Variants in FANCI observed in about 807,000 individuals in gnomAD.
FANCI encodes the protein FA complementation group I.
Under a neutral mutation model 176.1 loss-of-function variants are expected in FANCI, and 156 were observed. The observed-to-expected ratio is 0.89, with a 90% CI of 0.78 to 1.01. The LOEUF (loss-of-function observed/expected upper bound fraction) is 1.01, where lower values mean the gene tolerates loss of function less well. FANCI is among the 50% of genes least tolerant of loss of function. The pLI, the probability that FANCI is intolerant of heterozygous loss-of-function variation, is 0.00. For synonymous variants in FANCI, 613 were observed against 541.7 expected (o/e 1.13, Z -1.83); for missense variants, 1,678 against 1,534.1 (o/e 1.09, Z -1.57).
chr15:89,290,208 CTTAGGGGTT>C lies in FANCI; in HGVS notation c.1822-1_1829del, dbSNP rs2054008244. ...TGCTTATTTCTTCTCTTTGATTCCT[CTTAGGGGTT>C]TTATGATGTTCTTCGAAGGAACTCT... On this transcript the variant is annotated splice_acceptor_variant and splice_polypyrimidine_tract_variant and coding_sequence_variant and intron_variant, in exon 19 of 38. Transcript: ENST00000310775. LOFTEE classifies it high-confidence loss of function. 2 of 1,611,876 alleles carry C rather than the reference CTTAGGGGTT, an allele frequency of 1.2e-6. No individual in the cohort carries two copies. The highest frequency in any genetic ancestry group is 2.2e-5 in the South Asian group (2 of 91,030).
At chr15:89,271,892 T>C (rs1482304994) in intron 10 of FANCI, among the ~76,000 whole-genome samples, 1 of 152,248 alleles carries the variant, frequency 6.6e-6, no homozygotes, top group Admixed American at 6.5e-5. Context: ...GTTTGGCTAT[T>C]ACAAATAATG....
At chr15:89,251,787 A>C (rs562603661) in intron 2 of FANCI, among the ~76,000 whole-genome samples, 1 of 152,312 alleles carries the variant, frequency 6.6e-6, no homozygotes, top group South Asian at 2.1e-4. Flanking sequence ...CTCATTCCTA[A>C]TAAAAGCTTG....
intron 24 of FANCI, among the ~76,000 whole-genome samples, chr15:89,296,284 T>A (rs976622600): frequency 2.0e-5 from 3 of 151,506 alleles, no homozygotes; most frequent in Non-Finnish European, 4.4e-5. Flanking sequence ...TTTTTTTAAT[T>A]TTCTGTAGAG....
chr15:89,283,022 G>A (rs1218188405), intron 16 of FANCI, 114 bp from the exon 17 acceptor site: 3 of 1,005,796 alleles, frequency 3.0e-6, no homozygotes, highest in South Asian at 1.3e-5. Flanking sequence ...TTTGCTCTAC[G>A]CTTCATTGTT....
chr15:89,264,177 T>C (rs922143067), intron 8 of FANCI, 151 bp downstream of exon 8: 5 of 907,422 alleles, frequency 5.5e-6, no homozygotes, highest in Non-Finnish European at 8.9e-6. Flanking sequence ...CGAACATAGA[T>C]GCTTTCATTT....
chr15:89,310,544 G>A (rs2054914313), intron 34 of FANCI, among the ~76,000 whole-genome samples: 1 of 152,078 alleles, frequency 6.6e-6, no homozygotes, highest in Admixed American at 6.5e-5. Context: ...TTGACTTAAA[G>A]CCTTACTGAC....
chr15:89,301,234 C>G (rs1033404655), intron 26 of FANCI, 92 bp from the exon 27 acceptor site: 12 of 845,456 alleles, frequency 1.4e-5, no homozygotes, highest in Non-Finnish European at 2.5e-5. Flanking sequence ...TTCTTTCTGT[C>G]CTAGTCTTAG....
At chr15:89,261,531 T>C in intron 4 of FANCI, 54 bp from the exon 5 acceptor site, 2 of 1,605,010 alleles carry the variant, frequency 1.2e-6, no homozygotes, top group Non-Finnish European at 8.5e-7. Context: ...CTTAGAAAGA[T>C]TTATCAAACA....
At chr15:89,259,925 A>G (rs539652463) in intron 3 of FANCI, among the ~76,000 whole-genome samples, 1 of 152,316 alleles carries the variant, frequency 6.6e-6, no homozygotes, top group South Asian at 2.1e-4. Context: ...TCTGGCCATT[A>G]TAATACTACT....
At chr15:89,267,907 A>G (rs756722986) in intron 9 of FANCI, among the ~76,000 whole-genome samples, 61 of 152,322 alleles carry the variant, frequency 4.0e-4, no homozygotes, top group Non-Finnish European at 8.2e-4. Flanking sequence ...AGCCTGAGTG[A>G]CAGAGCGAGA....
intron 37 of FANCI, 86 bp from the exon 38 acceptor site, chr15:89,316,311 G>GAT (rs1157966613): frequency 6.8e-6 from 9 of 1,328,078 alleles, no homozygotes; most frequent in Non-Finnish European, 9.5e-6. Flanking sequence ...TTGATGAGAA[G>GAT]ATAGAGTCTT....
In FANCI at chr15:89,277,886, T is replaced by G. The variant is rs1002976521; in HGVS notation, c.1294-801T>G. Among the ~76,000 whole-genome samples, 8 of 152,070 alleles carry G rather than the reference T, an allele frequency of 5.3e-5. No individual in the cohort carries two copies. In the East Asian group the frequency reaches 1.5e-3, roughly 29 times the overall value. On this transcript the variant is annotated intron_variant, in intron 13 of 37. Coordinates refer to ENST00000310775, the MANE Select transcript of FANCI (RefSeq NM_001113378.2). ...ACACCAAGAGTGTCTGCTGAAAATG[T>G]TTATTTGGGAGGCTGATCTAAATGT... is the stretch of plus-strand genomic sequence containing the variant.
rs370146926 is a variant in FANCI, at chr15:89,315,289, T to C, written c.3824T>C (p.Leu1275Pro). 3 of 1,612,492 alleles carry C rather than the reference T, an allele frequency of 1.9e-6. No homozygotes were observed. ...CTTACAATCTTGTCATAGGTGAACC[T>C]GATGCAGCACATGAAGCTCAGCACC... ...IHLSKKSKVN[L>P]MQHMKLSTSR... The change falls in exon 37 of 38, where the codon CTG (leucine) becomes CCG (proline). Residue 1275 changes from leucine to proline, a missense_variant. Coordinates refer to ENST00000310775, the MANE Select transcript of FANCI (RefSeq NM_001113378.2).
chr15:89,312,156 G>A (rs2054990020), intron 34 of FANCI, among the ~76,000 whole-genome samples: 1 of 152,214 alleles, frequency 6.6e-6, no homozygotes, highest in Non-Finnish European at 1.5e-5. Flanking sequence ...TTGCCTGTAA[G>A]TGGGAAGACT....
intron 6 of FANCI, among the ~76,000 whole-genome samples, chr15:89,262,715 A>T (rs1243123427): frequency 1.3e-5 from 2 of 152,240 alleles, no homozygotes; most frequent in African/African-American, 4.8e-5. Flanking sequence ...GAGTTTATTC[A>T]ATACATACTG....
At chr15:89,257,371 G>A (rs1203956076) in intron 2 of FANCI, among the ~76,000 whole-genome samples, 1 of 152,174 alleles carries the variant, frequency 6.6e-6, no homozygotes, top group Non-Finnish European at 1.5e-5. Context: ...AGCTTAAATA[G>A]CAGCAATGTA....
At chr15:89,253,786 T>G (rs1353465733) in intron 2 of FANCI, among the ~76,000 whole-genome samples, 18 of 111,912 alleles carry the variant, frequency 1.6e-4, no homozygotes, top group East Asian at 6.3e-4. Context: ...AAATAACTTG[T>G]GGGGGGGGGG....
At chr15:89,288,180 G>T (rs1412848670) in intron 18 of FANCI, among the ~76,000 whole-genome samples, 1 of 152,212 alleles carries the variant, frequency 6.6e-6, no homozygotes, top group African/African-American at 2.4e-5. Context: ...TTAAGGCACA[G>T]TGAGCCACTC....
intron 13 of FANCI, among the ~76,000 whole-genome samples, chr15:89,277,551 A>G (rs1023800344): frequency 2.0e-5 from 3 of 151,108 alleles, no homozygotes; most frequent in African/African-American, 7.3e-5. Flanking sequence ...AGTCAAGGCT[A>G]CAGTGAGCTG....
Sources: allele counts gnomAD v4.1 joint callset (sites outside exome capture counted in the v4.1 genomes callset), GRCh38; gene constraint gnomAD v4.1.1; transcripts MANE v1.5; gene names NCBI Gene and HGNC (gene_info 2026-07-23, HGNC 2026-07-21).